Variants in MALT1 observed in about 807,000 individuals in gnomAD.
MALT1 encodes the protein MALT1 paracaspase.
In MALT1, 36 loss-of-function variants were observed where a neutral mutation model predicts 85.5. The ratio of observed to expected loss-of-function variants is 0.42; its 90% CI spans 0.32 to 0.56. The LOEUF (loss-of-function observed/expected upper bound fraction) is 0.56, where lower values mean the gene tolerates loss of function less well. Among genes scored for constraint, MALT1 ranks in the 20% least tolerant of loss-of-function variants. MALT1 has a pLI of 0.10. For missense variants in MALT1, 716 were observed against 981.6 expected (o/e 0.73, Z 3.62); for synonymous variants, 359 against 361.3 (o/e 0.99, Z 0.07).
chr18:58,703,442 G>A (rs565780978), intron 4 of MALT1, among the ~76,000 whole-genome samples: 1 of 152,220 alleles, frequency 6.6e-6, no homozygotes, highest in Non-Finnish European at 1.5e-5. Flanking sequence ...CTGCTATAGA[G>A]GTACTATCTG....
intron 1 of MALT1, among the ~76,000 whole-genome samples, chr18:58,673,411 G>C (rs2054195824): frequency 6.6e-6 from 1 of 152,012 alleles, no homozygotes; most frequent in African/African-American, 2.4e-5. Context: ...ATGTTTACAT[G>C]CTGCTGCTGC....
At position 58,750,976 on chromosome 18, in the gene MALT1, TAAAA is replaced by T. The variant is rs923567857; in HGVS notation, c.*3138_*3141del. On this transcript the variant is annotated 3_prime_UTR_variant, in exon 17 of 17. Coordinates refer to ENST00000649217, the MANE Select transcript of MALT1 (RefSeq NM_006785.4). Reference sequence around the variant, plus strand: ...AATTTTTGAAAAATCATGTATCTGATAAAAAAACAAACAAACATGCAGGTGCTCA... The same window carrying T: ...AATTTTTGAAAAATCATGTATCTGATAAACAAACAAACATGCAGGTGCTCA... 17 of 152,108 alleles carry T rather than the reference TAAAA, an allele frequency of 1.1e-4. No homozygotes were observed. The highest frequency in any genetic ancestry group is 2.2e-4 in the African/African-American group (9 of 41,406). The allele number at this position is 152,108 out of a possible 1,614,324, so 9.4% of individuals were successfully genotyped here.
intron 4 of MALT1, among the ~76,000 whole-genome samples, chr18:58,707,113 A>C (rs1409464299): frequency 6.6e-6 from 1 of 151,690 alleles, no homozygotes; most frequent in Non-Finnish European, 1.5e-5. Context: ...TGGTGTGACC[A>C]GTTTGCTGGT....
chr18:58,714,927 T>C (rs192603631), intron 8 of MALT1, among the ~76,000 whole-genome samples: 1 of 152,368 alleles, frequency 6.6e-6, no homozygotes, highest in Admixed American at 6.5e-5. Flanking sequence ...CTAGTTTGCT[T>C]AGTGTCATAC....
chr18:58,686,022 T>TTTG (rs751651589), intron 2 of MALT1, among the ~76,000 whole-genome samples: 40 of 150,896 alleles, frequency 2.7e-4, no homozygotes, highest in Admixed American at 3.3e-4. Context: ...TTTTGTTTCT[T>TTTG]TTGTTGTTGT....
At chr18:58,698,259 G>A (rs1353178901) in intron 3 of MALT1, among the ~76,000 whole-genome samples, 1 of 151,928 alleles carries the variant, frequency 6.6e-6, no homozygotes, top group East Asian at 1.9e-4. Context: ...GAGAGACGGG[G>A]TTTCACCATG....
intron 2 of MALT1, among the ~76,000 whole-genome samples, chr18:58,693,093 A>C (rs980697452): frequency 8.5e-5 from 13 of 152,218 alleles, no homozygotes; most frequent in African/African-American, 3.1e-4. Context: ...CTAGTGGAGA[A>C]GCTGCAGCAA....
At chr18:58,736,047 G>A (rs897587205) in intron 13 of MALT1, among the ~76,000 whole-genome samples, 18 of 152,074 alleles carry the variant, frequency 1.2e-4, no homozygotes, top group African/African-American at 4.3e-4. Context: ...CAGCACTTTG[G>A]GAAGCTGAGG....
chr18:58,681,070 C>G (rs2054315894), intron 1 of MALT1, 100 bp from the exon 2 acceptor site: 1 of 977,042 alleles, frequency 1.0e-6, no homozygotes, highest in Non-Finnish European at 1.5e-6. Flanking sequence ...CACCCACTCA[C>G]TTGTGATTTA....
In MALT1 at chr18:58,722,934, TTGAAA is replaced by T. The variant is rs1311841651; in HGVS notation, c.1019-107_1019-103del. The stretch of plus-strand genomic sequence containing the variant: ...ATGAAATTAAATAATGAAATCTTAT[TTGAAA>T]TGAAATAATGCAATCTTAAAGCATA... On this transcript the variant is annotated intron_variant, in intron 9 of 16. Transcript: ENST00000649217. 18 of 674,318 alleles carry T rather than the reference TTGAAA, an allele frequency of 2.7e-5. No individual in the cohort carries two copies. The East Asian group carries it at 4.9e-4, about 18-fold the overall frequency. 41.8% of individuals were successfully genotyped at this position (674,318 alleles called of 1,614,324 possible).
Position 58,749,944 on chromosome 18 carries a change from G to T in MALT1, c.*2102G>T, listed in dbSNP as rs1463252975. 4.8e-6 allele frequency: 1 copy of T among 208,886 alleles called. No homozygotes were observed. Among genetic ancestry groups the T allele is most frequent in the East Asian group, 7.3e-5 (1 of 13,712 alleles). The allele number at this position is 208,886 out of a possible 1,614,324, so 12.9% of individuals were successfully genotyped here. A position where few individuals can be genotyped will look rare whatever the true frequency, so the allele number is the denominator to read the frequency against. On this transcript the variant is annotated 3_prime_UTR_variant, in exon 17 of 17. Transcript: ENST00000649217. ...CTCGGCACTACTTCTATTCAGCATTGTACTTGAAGTTCTAGCCACAGCAGT... is the reference window on the plus strand; with the variant it reads ...CTCGGCACTACTTCTATTCAGCATTTTACTTGAAGTTCTAGCCACAGCAGT...
chr18:58,715,961 C>T lies in MALT1; in HGVS notation c.1012C>T (p.Pro338Ser). The T allele has an allele frequency of 6.2e-7, 1 of 1,602,754 alleles. No individual in the cohort carries two copies. Among genetic ancestry groups the T allele is most frequent in the Non-Finnish European group, 8.5e-7 (1 of 1,174,658 alleles). The change falls in exon 9 of 17, where the codon CCT (proline) becomes TCT (serine). Residue 338 changes from proline to serine, a missense_variant. Pro to Ser is a moderately conservative substitution (Grantham distance 74). Around this residue, in one of 4 missense-constraint regions of MALT1, gnomAD observed 290 missense variants for 380.5 expected, o/e 0.76. Coordinates refer to ENST00000649217, the MANE Select transcript of MALT1 (RefSeq NM_006785.4). The part of the protein sequence containing the change: ...PDNKEQTTDQ[P>S]LAKDKVALLI... ...TAATAAAGAGCAAACAACTGACCAG[C>T]CTTTGGGTGAGTAGAACTTTAAAAT...
Position 58,716,509 on chromosome 18 carries a change from G to A in MALT1, c.1018+542G>A, listed in dbSNP as rs117165401. 4.7e-4 allele frequency among the ~76,000 whole-genome samples: 71 copies of A among 152,368 alleles called. No homozygotes were observed. The East Asian group carries it at 0.01, about 22-fold the overall frequency. ...AGCTAACAGCTTGATGCTGGCAGAA[G>A]CCAGATAAAATATGTCTAAAATTTG... On this transcript the variant is annotated intron_variant, in intron 9 of 16. Transcript: ENST00000649217.
intron 7 of MALT1, among the ~76,000 whole-genome samples, chr18:58,712,040 C>T (rs924753569): frequency 2.0e-5 from 3 of 152,156 alleles, no homozygotes; most frequent in African/African-American, 7.2e-5. Flanking sequence ...CTGTTTGGCT[C>T]CAAGGTGATG....
intron 2 of MALT1, among the ~76,000 whole-genome samples, chr18:58,687,249 A>G (rs1602282761): frequency 6.6e-6 from 1 of 152,230 alleles, no homozygotes; most frequent in African/African-American, 2.4e-5. Flanking sequence ...AGGATAAGGA[A>G]TAAGTAGAGG....
chr18:58,706,142 C>A (rs1015872536), intron 4 of MALT1, among the ~76,000 whole-genome samples: 4 of 151,968 alleles, frequency 2.6e-5, no homozygotes, highest in African/African-American at 9.7e-5. Flanking sequence ...CCCGCCACCA[C>A]GCCTGGCTAA....
chr18:58,672,384 C>G (rs1401966890), intron 1 of MALT1: 1 of 152,220 alleles, frequency 6.6e-6, no homozygotes, highest in Non-Finnish European at 1.5e-5. Context: ...TCCATCAAAC[C>G]AGGTTACCAC....
At chr18:58,672,620 A>T (rs943351777) in intron 1 of MALT1, 3 of 152,240 alleles carry the variant, frequency 2.0e-5, no homozygotes, top group Non-Finnish European at 4.4e-5. Flanking sequence ...TAAGACATTT[A>T]AAAAATATTA....
At chr18:58,671,893 C>G (rs567480682) in intron 1 of MALT1, 41 bp downstream of exon 1, 2 of 1,054,616 alleles carry the variant, frequency 1.9e-6, no homozygotes, top group South Asian at 4.8e-5. Flanking sequence ...GCGGGTCGAG[C>G]GGGGTGGGCT....
Sources: gnomAD v4.1 joint callset for allele counts (sites outside exome capture counted in the v4.1 genomes callset) on GRCh38, gnomAD v4.1.1 for gene constraint, gnomAD v4.1.1 regional missense constraint, MANE v1.5 for transcripts, NCBI Gene and HGNC (gene_info 2026-07-23, HGNC 2026-07-21) for gene names.